NXPH1: variants seen among roughly 807,000 people sequenced by gnomAD.
NXPH1 encodes neurexophilin-1.
Under a neutral mutation model 23.7 loss-of-function variants are expected in NXPH1, and 5 were observed. That is an observed-to-expected ratio of 0.21 (90% CI 0.11 to 0.44). The LOEUF is 0.44. Ranked by LOEUF, NXPH1 falls within the 20% of genes least tolerant of loss-of-function variation. NXPH1 has a pLI of 0.99. For missense variants in NXPH1, 324 were observed against 321.6 expected, an observed-to-expected ratio of 1.01 and a Z score of -0.06; for synonymous variants, 144 against 122.2, an observed-to-expected ratio of 1.18 and a Z score of -1.18.
At chr7:8,623,154 A>G (rs983369182) in intron 2 of NXPH1, among the ~76,000 whole-genome samples, 1 of 152,154 alleles carries the variant, frequency 6.6e-6, no homozygotes, top group Non-Finnish European at 1.5e-5. Flanking sequence ...AAAAACTAAG[A>G]GGCCTGAATT....
intron 2 of NXPH1, among the ~76,000 whole-genome samples, chr7:8,500,900 G>A (rs1260326576): frequency 6.6e-6 from 1 of 152,048 alleles, no homozygotes; most frequent in Non-Finnish European, 1.5e-5. Context: ...TTAGCTTGTG[G>A]TTGCAGCCTG....
chr7:8,726,379 C>A lies in NXPH1; in HGVS notation c.55-24629C>A, dbSNP rs544937070. Among the ~76,000 whole-genome samples, 63 of 150,932 alleles carry A rather than the reference C, an allele frequency of 4.2e-4. 2 individuals are homozygous for A. The South Asian group carries it at 0.013, about 31-fold the overall frequency. ...CTTTAAGTTTTAGGGTACGTGTGCA[C>A]AATGTGCAGGTTAGTTACATATGTA... is the stretch of plus-strand genomic sequence containing the variant. On this transcript the variant is annotated intron_variant, in intron 2 of 2. Coordinates refer to ENST00000405863, the MANE Select transcript of NXPH1 (RefSeq NM_152745.3).
chr7:8,522,759 T>G (rs1584209486), intron 2 of NXPH1, among the ~76,000 whole-genome samples: 1 of 152,214 alleles, frequency 6.6e-6, no homozygotes, highest in South Asian at 2.1e-4. Context: ...GCTGGATTCA[T>G]TCCTGCTTCC....
chr7:8,454,007 C>T (rs1816549320), intron 2 of NXPH1, among the ~76,000 whole-genome samples: 1 of 152,104 alleles, frequency 6.6e-6, no homozygotes, highest in African/African-American at 2.4e-5. Context: ...CCAAATACTA[C>T]ATGTTTGCAC....
intron 2 of NXPH1, among the ~76,000 whole-genome samples, chr7:8,495,744 G>C (rs1404754555): frequency 6.6e-6 from 1 of 152,034 alleles, no homozygotes. Flanking sequence ...GGACCACTCA[G>C]AGAATCTGAA....
intron 2 of NXPH1, among the ~76,000 whole-genome samples, chr7:8,455,320 AC>A (rs1816576842): frequency 6.6e-6 from 1 of 152,132 alleles, no homozygotes; most frequent in Admixed American, 6.5e-5. Flanking sequence ...TAATCCTGAG[AC>A]TTTAATCAGT....
At chr7:8,453,291 C>A (rs1222030751) in intron 2 of NXPH1, among the ~76,000 whole-genome samples, 1 of 152,086 alleles carries the variant, frequency 6.6e-6, no homozygotes, top group Non-Finnish European at 1.5e-5. Flanking sequence ...TTCTTAGTCA[C>A]CGAACATCTG....
chr7:8,590,709 T>G (rs1012842199), intron 2 of NXPH1, among the ~76,000 whole-genome samples: 4 of 152,138 alleles, frequency 2.6e-5, no homozygotes, highest in Middle Eastern at 6.3e-3. Context: ...TCATCAATGA[T>G]TCTTCCTAGA....
chr7:8,491,666 A>G (rs1234410038), intron 2 of NXPH1, among the ~76,000 whole-genome samples: 2 of 152,130 alleles, frequency 1.3e-5, no homozygotes, highest in East Asian at 3.9e-4. Flanking sequence ...GCTTCCCATC[A>G]TCTTAAATCC....
intron 2 of NXPH1, among the ~76,000 whole-genome samples, chr7:8,530,826 C>A (rs886456446): frequency 6.6e-6 from 1 of 152,164 alleles, no homozygotes; most frequent in African/African-American, 2.4e-5. Flanking sequence ...TGATTGAACT[C>A]TGTTGGCAAA....
At chr7:8,533,955 GA>G (rs1420142178) in intron 2 of NXPH1, among the ~76,000 whole-genome samples, 5 of 90,468 alleles carry the variant, frequency 5.5e-5, no homozygotes, top group African/African-American at 1.9e-4. Flanking sequence ...GTGATCAGAG[GA>G]CTAAGCCCCA....
intron 2 of NXPH1, among the ~76,000 whole-genome samples, chr7:8,720,447 T>C (rs965145608): frequency 2.6e-5 from 4 of 152,178 alleles, no homozygotes; most frequent in African/African-American, 9.7e-5. Flanking sequence ...TATTAACATA[T>C]GATGGAAATG....
intron 2 of NXPH1, among the ~76,000 whole-genome samples, chr7:8,514,763 T>C (rs1210181844): frequency 6.6e-6 from 1 of 152,108 alleles, no homozygotes; most frequent in Non-Finnish European, 1.5e-5. Flanking sequence ...CATGCTATTC[T>C]TTTTCACCAA....
At position 8,746,277 on chromosome 7, in the gene NXPH1, C is replaced by T. The variant is rs367764873; in HGVS notation, c.55-4731C>T. ...TCTCTTTTAGACATTGCCCTACTCC[C>T]TTCCTAAGTAAAAAGCAAGGACTGA... is the stretch of plus-strand genomic sequence containing the variant. On this transcript the variant is annotated intron_variant, in intron 2 of 2. Transcript: ENST00000405863. 1.4e-4 allele frequency among the ~76,000 whole-genome samples: 22 copies of T among 152,158 alleles called. No homozygotes were observed. The East Asian group carries it at 1.5e-3, about 11-fold the overall frequency.
At chr7:8,583,962 G>T (rs1584249490) in intron 2 of NXPH1, among the ~76,000 whole-genome samples, 1 of 152,286 alleles carries the variant, frequency 6.6e-6, no homozygotes, top group East Asian at 1.9e-4. Context: ...TATCTGCATG[G>T]TCTCTCACAG....
intron 2 of NXPH1, among the ~76,000 whole-genome samples, chr7:8,663,279 A>T (rs141599323): frequency 0.012 from 1,830 of 152,090 alleles, 11 homozygotes; most frequent in Non-Finnish European, 0.018. Flanking sequence ...TCCCTTTCGC[A>T]CTCACAGTGT....
At chr7:8,574,204 C>T (rs561103513) in intron 2 of NXPH1, among the ~76,000 whole-genome samples, 33 of 152,234 alleles carry the variant, frequency 2.2e-4, no homozygotes, top group African/African-American at 3.6e-4. Flanking sequence ...ATGAAATATT[C>T]ATCTGAAAAG....
At chr7:8,589,164 G>A (rs1819039810) in intron 2 of NXPH1, among the ~76,000 whole-genome samples, 1 of 152,050 alleles carries the variant, frequency 6.6e-6, no homozygotes, top group African/African-American at 2.4e-5. Flanking sequence ...TCTGGGCTGT[G>A]GAAAGGAGGC....
intron 2 of NXPH1, among the ~76,000 whole-genome samples, chr7:8,698,977 G>T (rs1779578719): frequency 6.6e-6 from 1 of 151,960 alleles, no homozygotes; most frequent in South Asian, 2.1e-4. Context: ...TAAATTCTTG[G>T]TGCAAAGAAA....
Sources: allele counts gnomAD v4.1 joint callset (sites outside exome capture counted in the v4.1 genomes callset), GRCh38; gene constraint gnomAD v4.1.1; transcripts MANE v1.5; gene names NCBI Gene and HGNC (gene_info 2026-07-23, HGNC 2026-07-21).